The following MYO1B variants were observed in gnomAD, a reference collection of about 807,000 sequenced individuals.
MYO1B encodes the protein unconventional myosin-Ib.
MYO1B carries 72 observed loss-of-function variants against 159.7 expected under a neutral mutation model. That is an observed-to-expected ratio of 0.45 (90% CI 0.37 to 0.55). The LOEUF (loss-of-function observed/expected upper bound fraction) is 0.55. MYO1B is among the 20% of genes least tolerant of loss of function. The pLI is 0.00. For synonymous variants in MYO1B, 468 were observed against 473.8 expected (o/e 0.99, Z 0.16); for missense variants, 1,062 against 1,364.8 (o/e 0.78, Z 3.50).
At chr2:191,392,578 A>G (rs763212499) in intron 19 of MYO1B, among the ~76,000 whole-genome samples, 1 of 152,202 alleles carries the variant, frequency 6.6e-6, no homozygotes, top group Non-Finnish European at 1.5e-5. Flanking sequence ...GGAAAGCACT[A>G]AAATGAAAAT....
At chr2:191,418,489 T>TTTTG (rs1161159463) in intron 30 of MYO1B, among the ~76,000 whole-genome samples, 1 of 137,318 alleles carries the variant, frequency 7.3e-6, no homozygotes, top group African/African-American at 2.6e-5. Flanking sequence ...TGGATTTTTT[T>TTTTG]TTTTTTTTTT....
rs763930881 is a variant in MYO1B, at chr2:191,382,788, G to GT, written c.1291-484dup. 5.6e-3 allele frequency among the ~76,000 whole-genome samples: 844 copies of GT among 152,006 alleles called. 2 individuals carry two copies. Among genetic ancestry groups the GT allele is most frequent in the Non-Finnish European group, 9.6e-3 (652 of 67,944 alleles). ...AAATACTTTGTGGTAGCGCTGGCCTGTTTTTTTTAACACTTGAAAGAGTTA... is the reference window on the plus strand; with the variant it reads ...AAATACTTTGTGGTAGCGCTGGCCTGTTTTTTTTTAACACTTGAAAGAGTTA... On this transcript the variant is annotated intron_variant, in intron 14 of 30. Coordinates refer to ENST00000392318, the MANE Select transcript of MYO1B (RefSeq NM_001130158.3).
chr2:191,247,013 A>G (rs1685834605), intron 1 of MYO1B, among the ~76,000 whole-genome samples: 2 of 152,206 alleles, frequency 1.3e-5, no homozygotes, highest in South Asian at 4.1e-4. Flanking sequence ...GAGACTCGCC[A>G]AAGGATTGGC....
chr2:191,423,347 A>C (rs979876578), intron 30 of MYO1B, among the ~76,000 whole-genome samples: 1 of 152,244 alleles, frequency 6.6e-6, no homozygotes, highest in Non-Finnish European at 1.5e-5. Flanking sequence ...AAAATACAGT[A>C]TAAAAGACAA....
intron 29 of MYO1B, 142 bp downstream of exon 29, chr2:191,414,811 C>A (rs2126178970): frequency 1.3e-6 from 1 of 772,900 alleles, no homozygotes; most frequent in African/African-American, 1.8e-5. Flanking sequence ...TGTAAAATCT[C>A]CGACTCAGTT....
intron 14 of MYO1B, among the ~76,000 whole-genome samples, chr2:191,382,553 TAAAAC>T: frequency 6.6e-6 from 1 of 152,208 alleles, no homozygotes; most frequent in Non-Finnish European, 1.5e-5. Context: ...ATGGGTAACT[TAAAAC>T]AGTTTATACA....
At chr2:191,404,314 C>T (rs1273605590) in intron 24 of MYO1B, among the ~76,000 whole-genome samples, 1 of 152,098 alleles carries the variant, frequency 6.6e-6, no homozygotes, top group Admixed American at 6.5e-5. Context: ...GGAGAAATAA[C>T]CTGCCCTGTC....
intron 2 of MYO1B, among the ~76,000 whole-genome samples, chr2:191,293,329 G>A (rs1393545922): frequency 3.3e-5 from 5 of 152,198 alleles, no homozygotes; most frequent in Admixed American, 6.5e-5. Flanking sequence ...AGAGTCAAAC[G>A]ACATTTAGGG....
At chr2:191,387,601 A>T in intron 17 of MYO1B, 151 bp downstream of exon 17, 1 of 710,468 alleles carries the variant, frequency 1.4e-6, no homozygotes, top group Non-Finnish European at 2.4e-6. Context: ...GGATTGGCTT[A>T]AAAAATGCTC....
chr2:191,359,788 G>A (rs1361478554), intron 7 of MYO1B, among the ~76,000 whole-genome samples: 1 of 152,114 alleles, frequency 6.6e-6, no homozygotes, highest in Non-Finnish European at 1.5e-5. Flanking sequence ...TTACTAATTT[G>A]GAATTTTATA....
At chr2:191,367,994 A>G (rs900251891) in intron 11 of MYO1B, among the ~76,000 whole-genome samples, 4 of 152,204 alleles carry the variant, frequency 2.6e-5, no homozygotes, top group Admixed American at 2.6e-4. Flanking sequence ...ATTTTCTACT[A>G]TGGAAGCATT....
chr2:191,424,219 T>C lies in MYO1B; in HGVS notation c.*259T>C, dbSNP rs975302833. The C allele has an allele frequency of 2.5e-5, 11 of 447,220 alleles. No homozygotes were observed. Among genetic ancestry groups the C allele is most frequent in the Non-Finnish European group, 3.6e-5 (9 of 252,224 alleles). The allele number at this position is 447,220 out of a possible 1,614,324, so 27.7% of individuals were successfully genotyped here. ...TGATGTGTTCTTCCTTTAGTCATCA[T>C]GTTAGGTCTGTGTACCCTAAATCAG... On this transcript the variant is annotated 3_prime_UTR_variant, in exon 31 of 31. Transcript: ENST00000392318.
At chr2:191,407,944 T>A (rs1196691456) in intron 24 of MYO1B, 171 bp from the exon 25 acceptor site, 1 of 427,016 alleles carries the variant, frequency 2.3e-6, no homozygotes, top group Non-Finnish European at 4.1e-6. Flanking sequence ...AATTTCTTTC[T>A]CTCTGACTTA....
chr2:191,376,498 T>G (rs992116148), intron 13 of MYO1B, among the ~76,000 whole-genome samples: 1 of 152,192 alleles, frequency 6.6e-6, no homozygotes, highest in African/African-American at 2.4e-5. Context: ...ATAGCCCAAC[T>G]TCCCTAAAAT....
intron 1 of MYO1B, among the ~76,000 whole-genome samples, chr2:191,249,011 A>T (rs755937836): frequency 1.6e-4 from 24 of 152,258 alleles, no homozygotes; most frequent in Non-Finnish European, 2.9e-4. Flanking sequence ...TAAGTGAATG[A>T]AACTTTACTT....
intron 4 of MYO1B, among the ~76,000 whole-genome samples, chr2:191,334,089 T>G (rs1260055775): frequency 6.6e-6 from 1 of 151,874 alleles, no homozygotes; most frequent in Non-Finnish European, 1.5e-5. Flanking sequence ...TTCTTTAGCT[T>G]TTTAGTCAGC....
At chr2:191,261,013 TTTA>T (rs933649423) in intron 1 of MYO1B, among the ~76,000 whole-genome samples, 1 of 152,154 alleles carries the variant, frequency 6.6e-6, no homozygotes, top group African/African-American at 2.4e-5. Flanking sequence ...AGTCTAAGCT[TTTA>T]TTGACTTCCA....
chr2:191,364,035 G>T, intron 10 of MYO1B, 123 bp from the exon 11 acceptor site: 1 of 1,227,352 alleles, frequency 8.1e-7, no homozygotes, highest in Non-Finnish European at 1.2e-6. Flanking sequence ...TTTGTTTTTT[G>T]ATGTATACAT....
chr2:191,316,751 T>C (rs1690376521), intron 3 of MYO1B, among the ~76,000 whole-genome samples: 1 of 152,250 alleles, frequency 6.6e-6, no homozygotes. Flanking sequence ...GTGAGGGTCC[T>C]CTGGCATCAT....
Sources: allele counts gnomAD v4.1 joint callset (sites outside exome capture counted in the v4.1 genomes callset), GRCh38; gene constraint gnomAD v4.1.1; transcripts MANE v1.5; gene names NCBI Gene and HGNC (gene_info 2026-07-23, HGNC 2026-07-21).